MEI4: variants seen among roughly 807,000 people sequenced by gnomAD.
MEI4 encodes meiosis-specific protein MEI4.
A neutral mutation model predicts 31.4 loss-of-function variants in MEI4; 27 were observed. The observed-to-expected ratio is 0.86, with a 90% CI of 0.63 to 1.19. The LOEUF (loss-of-function observed/expected upper bound fraction) is 1.19, where lower values mean the gene tolerates loss of function less well. MEI4 is among the 50% of genes most tolerant of loss of function. The pLI is 0.00. For missense variants in MEI4, 329 were observed against 398.9 expected (o/e 0.82, Z 1.49); for synonymous variants, 122 against 145.4 (o/e 0.84, Z 1.16).
chr6:77,730,005 T>C (rs1398210833), intron 2 of MEI4, among the ~76,000 whole-genome samples: 1 of 151,824 alleles, frequency 6.6e-6, no homozygotes, highest in Non-Finnish European at 1.5e-5. Context: ...ATTGGAACTC[T>C]GTGGCCAAGA....
intron 4 of MEI4, among the ~76,000 whole-genome samples, chr6:77,917,599 C>T (rs1323623850): frequency 1.6e-5 from 1 of 61,108 alleles, no homozygotes; most frequent in Non-Finnish European, 2.8e-5. Context: ...ATGTCCTTTG[C>T]CCACTTTTTG....
intron 2 of MEI4, among the ~76,000 whole-genome samples, chr6:77,747,669 T>C (rs1767651341): frequency 6.6e-6 from 1 of 152,148 alleles, no homozygotes; most frequent in Non-Finnish European, 1.5e-5. Flanking sequence ...ACCATATTAT[T>C]CCACCACTGG....
chr6:77,921,744 G>C (rs1766707992), intron 4 of MEI4, among the ~76,000 whole-genome samples: 1 of 151,732 alleles, frequency 6.6e-6, no homozygotes. Context: ...TTTTGTCTCA[G>C]AGAATAAGGA....
rs150889904 is a variant in MEI4, at chr6:77,785,375, T to C, written c.768+23710T>C. On this transcript the variant is annotated intron_variant, in intron 3 of 4. Coordinates refer to ENST00000684080, the MANE Select transcript of MEI4 (RefSeq NM_001322247.2). ...AGTATATATTACCACTTGGAGATAA[T>C]AGGCCTAATTTGGTATCTAGAAATA... Among the ~76,000 whole-genome samples the C allele has an allele frequency of 1.4e-3, 213 of 152,290 alleles. 1 individual carries two copies. Among genetic ancestry groups the C allele is most frequent in the African/African-American group, 4.5e-3 (187 of 41,576 alleles).
chr6:77,668,245 G>A (rs185434416), intron 1 of MEI4, among the ~76,000 whole-genome samples: 58 of 152,266 alleles, frequency 3.8e-4, no homozygotes, highest in Middle Eastern at 3.4e-3. Context: ...ATGAAGGTTT[G>A]CTTTAGGTCC....
chr6:77,748,533 C>T (rs1338364321), intron 2 of MEI4, among the ~76,000 whole-genome samples: 1 of 152,168 alleles, frequency 6.6e-6, no homozygotes, highest in Non-Finnish European at 1.5e-5. Context: ...GGGCCTAGCC[C>T]AGGAAGCCAT....
intron 2 of MEI4, among the ~76,000 whole-genome samples, chr6:77,695,941 G>C (rs1766024015): frequency 6.6e-6 from 1 of 152,092 alleles, no homozygotes; most frequent in African/African-American, 2.4e-5. Context: ...TTACTTCATT[G>C]AGCAGTGGTT....
chr6:77,791,150 A>C lies in MEI4; in HGVS notation c.768+29485A>C, dbSNP rs1373884036. Among the ~76,000 whole-genome samples, 3 of 152,262 alleles carry C rather than the reference A, an allele frequency of 2.0e-5. No individual in the cohort carries two copies. In the East Asian group the frequency reaches 5.8e-4, roughly 29 times the overall value. ...GATTCCTCAGGGATCTAGAACTAGA[A>C]ATACCATTTGACCCAGCCATCCCAT... On this transcript the variant is annotated intron_variant, in intron 3 of 4. Coordinates refer to ENST00000684080, the MANE Select transcript of MEI4 (RefSeq NM_001322247.2).
At chr6:77,740,822 A>G (rs924620684) in intron 2 of MEI4, among the ~76,000 whole-genome samples, 1 of 151,816 alleles carries the variant, frequency 6.6e-6, no homozygotes, top group Non-Finnish European at 1.5e-5. Context: ...TGAAAAAAAT[A>G]TATATATAAT....
intron 4 of MEI4, among the ~76,000 whole-genome samples, chr6:77,831,369 C>A (rs1052285283): frequency 6.6e-6 from 1 of 151,732 alleles, no homozygotes; most frequent in Non-Finnish European, 1.5e-5. Context: ...AAAAATAGAA[C>A]TACCATATGA....
intron 2 of MEI4, among the ~76,000 whole-genome samples, chr6:77,744,995 G>A (rs1408593623): frequency 6.6e-6 from 1 of 152,134 alleles, no homozygotes; most frequent in Non-Finnish European, 1.5e-5. Context: ...GGAACAACCG[G>A]TACCAGCCAC....
At chr6:77,821,585 C>T (rs186488536) in intron 3 of MEI4, among the ~76,000 whole-genome samples, 1 of 152,064 alleles carries the variant, frequency 6.6e-6, no homozygotes, top group African/African-American at 2.4e-5. Context: ...CACCTGAGGT[C>T]AGGAGTTCAA....
chr6:77,745,937 A>T (rs1767588361), intron 2 of MEI4, among the ~76,000 whole-genome samples: 1 of 152,218 alleles, frequency 6.6e-6, no homozygotes, highest in Admixed American at 6.5e-5. Context: ...ACAAAGACAC[A>T]ACATACCAGA....
chr6:77,903,489 A>G (rs1766227930), intron 4 of MEI4, among the ~76,000 whole-genome samples: 1 of 152,184 alleles, frequency 6.6e-6, no homozygotes, highest in South Asian at 2.1e-4. Flanking sequence ...TATTAAACAC[A>G]TTTTGAACTC....
chr6:77,815,032 A>C (rs2127706110), intron 3 of MEI4, among the ~76,000 whole-genome samples: 1 of 152,228 alleles, frequency 6.6e-6, no homozygotes, highest in Middle Eastern at 3.4e-3. Context: ...AAGCCTCCTT[A>C]AGAGGATTAC....
chr6:77,716,986 G>A (rs908806095), intron 2 of MEI4: 29 of 222,992 alleles, frequency 1.3e-4, no homozygotes, highest in East Asian at 3.7e-4. Context: ...GGTGTTTCTC[G>A]TAAGGTGGGA....
upstream of MEI4, among the ~76,000 whole-genome samples, chr6:77,651,953 A>C (rs1768306911): frequency 6.6e-6 from 1 of 152,172 alleles, no homozygotes. Context: ...CCATGTCTTT[A>C]GTGTGTATGA....
At chr6:77,675,558 T>C (rs1337191159) in intron 1 of MEI4, among the ~76,000 whole-genome samples, 2 of 151,508 alleles carry the variant, frequency 1.3e-5, no homozygotes, top group East Asian at 1.9e-4. Flanking sequence ...AAAAAAAAGG[T>C]TGAGTCAAAA....
intron 3 of MEI4, among the ~76,000 whole-genome samples, chr6:77,803,102 G>T (rs1382568065): frequency 1.3e-5 from 2 of 152,246 alleles, no homozygotes; most frequent in Admixed American, 1.3e-4. Context: ...ATCACTTTCA[G>T]GTACACCAAT....
Sources: allele counts gnomAD v4.1 joint callset (sites outside exome capture counted in the v4.1 genomes callset), GRCh38; gene constraint gnomAD v4.1.1; transcripts MANE v1.5; gene names NCBI Gene and HGNC (gene_info 2026-07-23, HGNC 2026-07-21).